The following PTPRD variants were observed in gnomAD, a reference collection of about 807,000 sequenced individuals.
The protein encoded by PTPRD is protein tyrosine phosphatase receptor type D, also known as receptor-type tyrosine-protein phosphatase delta.
A neutral mutation model predicts 214.5 loss-of-function variants in PTPRD; 34 were observed. The ratio of observed to expected loss-of-function variants is 0.16; its 90% confidence interval spans 0.12 to 0.21. The LOEUF (loss-of-function observed/expected upper bound fraction) is 0.21, where lower values mean the gene tolerates loss of function less well. Among genes scored for constraint, PTPRD ranks in the 10% least tolerant of loss-of-function variants. PTPRD has a pLI of 1.00. For missense variants in PTPRD, 2,545 were observed against 2,398.7 expected (o/e 1.06, Z -1.27); for synonymous variants, 1,128 against 845.7 (o/e 1.33, Z -5.79).
At chr9:8,410,024 G>A (rs958513669) in intron 35 of PTPRD, among the ~76,000 whole-genome samples, 3 of 152,162 alleles carry the variant, frequency 2.0e-5, no homozygotes, top group African/African-American at 7.2e-5. Context: ...AGTCCTTTCT[G>A]AGGTTTAGAA....
intron 5 of PTPRD, among the ~76,000 whole-genome samples, chr9:9,797,158 C>T (rs931723796): frequency 2.7e-5 from 4 of 148,318 alleles, no homozygotes; most frequent in African/African-American, 9.9e-5. Flanking sequence ...ACAGAATTAG[C>T]TTAATTTAAA....
intron 11 of PTPRD, among the ~76,000 whole-genome samples, chr9:8,804,868 G>A (rs2096644559): frequency 1.3e-5 from 2 of 152,132 alleles, no homozygotes; most frequent in African/African-American, 2.4e-5. Flanking sequence ...AGCTTGTGTT[G>A]ACTAATGTGA....
At chr9:9,059,089 A>G (rs976809850) in intron 10 of PTPRD, among the ~76,000 whole-genome samples, 53 of 152,312 alleles carry the variant, frequency 3.5e-4, no homozygotes, top group African/African-American at 1.2e-3. Context: ...AGTTTGGAAC[A>G]GAGGCAGTGA....
intron 10 of PTPRD, among the ~76,000 whole-genome samples, chr9:9,100,756 T>C (rs1181693648): frequency 6.6e-6 from 1 of 152,160 alleles, no homozygotes; most frequent in Non-Finnish European, 1.5e-5. Flanking sequence ...AATTATGTAT[T>C]GGAAATCTTA....
intron 11 of PTPRD, among the ~76,000 whole-genome samples, chr9:8,851,519 C>A (rs576451311): frequency 2.2e-4 from 33 of 152,220 alleles, no homozygotes; most frequent in African/African-American, 7.9e-4. Flanking sequence ...ACAGGAAAAA[C>A]GTACACAAAA....
intron 3 of PTPRD, among the ~76,000 whole-genome samples, chr9:10,292,786 T>C (rs1414962516): frequency 3.9e-5 from 6 of 151,950 alleles, no homozygotes; most frequent in African/African-American, 1.4e-4. Flanking sequence ...TTTTTTCCAC[T>C]ATTTTATTAA....
intron 7 of PTPRD, among the ~76,000 whole-genome samples, chr9:9,724,297 A>G (rs1191892839): frequency 6.6e-6 from 1 of 152,172 alleles, no homozygotes; most frequent in African/African-American, 2.4e-5. Context: ...TATTTGAAAT[A>G]GTCATTCAAG....
chr9:8,719,112 CAGCACTTTTTTCCTCTTTTTT>C (rs2098465880), intron 12 of PTPRD, among the ~76,000 whole-genome samples: 1 of 152,126 alleles, frequency 6.6e-6, no homozygotes, highest in Admixed American at 6.6e-5. Context: ...TAATACTTTC[CAGCACTTTTTTCCTCTTTTTT>C]AAGATGTTCA....
chr9:10,044,054 G>C (rs2097345628), intron 3 of PTPRD, among the ~76,000 whole-genome samples: 1 of 151,640 alleles, frequency 6.6e-6, no homozygotes, highest in Non-Finnish European at 1.5e-5. Context: ...AGAGAGAGGA[G>C]GTCTGTCTCA....
chr9:8,814,396 GAGA>G (rs1313593922), intron 11 of PTPRD, among the ~76,000 whole-genome samples: 3 of 152,150 alleles, frequency 2.0e-5, no homozygotes, highest in Non-Finnish European at 4.4e-5. Context: ...AGAGGAGGGT[GAGA>G]AGGAGGGGAA....
At chr9:9,557,917 T>G (rs922893565) in intron 8 of PTPRD, among the ~76,000 whole-genome samples, 2 of 152,196 alleles carry the variant, frequency 1.3e-5, no homozygotes, top group African/African-American at 4.8e-5. Flanking sequence ...CACAGCTTAC[T>G]TAAACTAGCT....
intron 9 of PTPRD, among the ~76,000 whole-genome samples, chr9:9,185,286 G>T (rs2099930636): frequency 6.6e-6 from 1 of 152,050 alleles, no homozygotes; most frequent in Non-Finnish European, 1.5e-5. Flanking sequence ...AGAGACATCT[G>T]ACAAGCAATA....
At chr9:9,877,973 C>CAA (rs758528718) in intron 5 of PTPRD, among the ~76,000 whole-genome samples, 1,384 of 70,074 alleles carry the variant, frequency 0.02, 61 homozygotes, top group African/African-American at 0.046. Flanking sequence ...AACTCCATCT[C>CAA]AAAAAAAAAA....
chr9:9,851,767 G>T (rs188289887), intron 5 of PTPRD, among the ~76,000 whole-genome samples: 1 of 152,124 alleles, frequency 6.6e-6, no homozygotes, highest in Non-Finnish European at 1.5e-5. Flanking sequence ...ACAACACAGC[G>T]AGACCCTGTC....
At chr9:10,164,569 C>T (rs920442147) in intron 3 of PTPRD, among the ~76,000 whole-genome samples, 1 of 151,452 alleles carries the variant, frequency 6.6e-6, no homozygotes, top group Non-Finnish European at 1.5e-5. Flanking sequence ...TGAGGATGTT[C>T]ATATGGTGTG....
At chr9:9,732,060 A>C (rs2098205233) in intron 7 of PTPRD, among the ~76,000 whole-genome samples, 1 of 152,116 alleles carries the variant, frequency 6.6e-6, no homozygotes, top group Non-Finnish European at 1.5e-5. Flanking sequence ...TATTGAAAAC[A>C]ATGAAGACTT....
At chr9:10,338,635 A>G (rs528408447) in intron 3 of PTPRD, among the ~76,000 whole-genome samples, 4 of 151,870 alleles carry the variant, frequency 2.6e-5, no homozygotes, top group South Asian at 2.1e-4. Flanking sequence ...AGGAAATGTC[A>G]AACCTTATAT....
chr9:10,292,380 T>A (rs545502476), intron 3 of PTPRD, among the ~76,000 whole-genome samples: 1 of 152,160 alleles, frequency 6.6e-6, no homozygotes, highest in South Asian at 2.1e-4. Context: ...GACATCACCC[T>A]TATAAAAATA....
At chr9:8,837,848 G>A (rs966880455) in intron 11 of PTPRD, among the ~76,000 whole-genome samples, 2 of 152,082 alleles carry the variant, frequency 1.3e-5, no homozygotes. Flanking sequence ...TTAAAACAAA[G>A]TGGTTTCCTT....
Sources: gnomAD v4.1 joint callset for allele counts (sites outside exome capture counted in the v4.1 genomes callset) on GRCh38, gnomAD v4.1.1 for gene constraint, MANE v1.5 for transcripts, NCBI Gene and HGNC (gene_info 2026-07-23, HGNC 2026-07-21) for gene names.